Variants in GPC5 observed in about 807,000 individuals in gnomAD.
GPC5 encodes glypican-5.
GPC5 carries 47 observed loss-of-function variants against 53.9 expected under a neutral mutation model. That is an observed-to-expected ratio of 0.87 (90% confidence interval 0.69 to 1.11). The LOEUF (loss-of-function observed/expected upper bound fraction) is 1.11, where lower values mean the gene tolerates loss of function less well. GPC5 is among the 50% of genes most tolerant of loss of function. The probability of loss-of-function intolerance (pLI) is 0.00; values close to 1 mark genes in which losing one functional copy is unlikely to be tolerated. For missense variants in GPC5, 748 were observed against 713.1 expected (o/e 1.05, Z -0.56); for synonymous variants, 286 against 263.3 (o/e 1.09, Z -0.84).
chr13:91,936,555 A>C (rs981115939), intron 6 of GPC5, among the ~76,000 whole-genome samples: 2 of 152,038 alleles, frequency 1.3e-5, no homozygotes, highest in Non-Finnish European at 2.9e-5. Flanking sequence ...GGTTTTTTAT[A>C]ATTTTTCTTT....
intron 5 of GPC5, among the ~76,000 whole-genome samples, chr13:91,794,058 G>C (rs2038010910): frequency 6.6e-6 from 1 of 152,142 alleles, no homozygotes; most frequent in African/African-American, 2.4e-5. Flanking sequence ...TTGTATTCCA[G>C]TGTCGAGTCA....
At chr13:91,830,554 T>C (rs2038639108) in intron 5 of GPC5, among the ~76,000 whole-genome samples, 1 of 151,678 alleles carries the variant, frequency 6.6e-6, no homozygotes, top group African/African-American at 2.4e-5. Flanking sequence ...TGTTCAGAGA[T>C]TGCAGTAAAG....
At chr13:92,093,223 A>G (rs180972840) in intron 6 of GPC5, among the ~76,000 whole-genome samples, 9 of 152,194 alleles carry the variant, frequency 5.9e-5, no homozygotes. Flanking sequence ...TTCTTTGTTG[A>G]ATTAGTATTT....
At chr13:92,022,245 C>A (rs2040765296) in intron 6 of GPC5, among the ~76,000 whole-genome samples, 1 of 152,036 alleles carries the variant, frequency 6.6e-6, no homozygotes, top group Admixed American at 6.5e-5. Context: ...AAGTGATACA[C>A]CCGCCTTGGC....
At position 92,298,604 on chromosome 13, in the gene GPC5, G is replaced by A. The variant is rs112879390; in HGVS notation, c.1561+153615G>A. On this transcript the variant is annotated intron_variant, in intron 7 of 7. Coordinates refer to ENST00000377067, the MANE Select transcript of GPC5 (RefSeq NM_004466.6). ...AATCTGGGCCTTCAGTTTTCCCCCT[G>A]GGGGTGTGTGTTCAGGAGAGGACAA... Among the ~76,000 whole-genome samples, 347 of 152,302 alleles carry A rather than the reference G, an allele frequency of 2.3e-3. 3 individuals are homozygous for A. Among genetic ancestry groups the A allele is most frequent in the African/African-American group, 7.3e-3 (303 of 41,560 alleles).
At chr13:91,503,502 C>A (rs866137241) in intron 2 of GPC5, among the ~76,000 whole-genome samples, 3 of 151,864 alleles carry the variant, frequency 2.0e-5, no homozygotes, top group Non-Finnish European at 4.4e-5. Context: ...TTAGGCTGGG[C>A]CGGGTGCAGT....
intron 5 of GPC5, among the ~76,000 whole-genome samples, chr13:91,901,704 A>G (rs2039499056): frequency 1.3e-5 from 2 of 152,078 alleles, no homozygotes; most frequent in Non-Finnish European, 2.9e-5. Flanking sequence ...GTTCACCTTC[A>G]CTGATGAATA....
rs576389036 is a variant in GPC5 at position 92,466,062 on chromosome 13, CA to C, written c.1561+321074del. On this transcript the variant is annotated intron_variant, in intron 7 of 7. Coordinates refer to ENST00000377067, the MANE Select transcript of GPC5 (RefSeq NM_004466.6). ...AAGAGGACACTTTAAATGTTCTCACCACAAAGGAATGATACAAATGTGAGGT... is the reference window on the plus strand; with the variant it reads ...AAGAGGACACTTTAAATGTTCTCACCCAAAGGAATGATACAAATGTGAGGT... Among the ~76,000 whole-genome samples, 602 of 151,924 alleles carry C rather than the reference CA, an allele frequency of 4.0e-3. 1 individual carries two copies. The highest frequency in any genetic ancestry group is 5.4e-3 in the Non-Finnish European group (365 of 67,878).
At chr13:91,666,476 TC>T (rs1323964365) in intron 2 of GPC5, among the ~76,000 whole-genome samples, 2 of 152,198 alleles carry the variant, frequency 1.3e-5, no homozygotes, top group Non-Finnish European at 2.9e-5. Context: ...TTAGCATTTG[TC>T]TTTTGAGGGA....
chr13:92,492,821 A>G lies in GPC5; in HGVS notation c.1561+347832A>G, dbSNP rs147750324. 4.6e-3 allele frequency among the ~76,000 whole-genome samples: 707 copies of G among 152,250 alleles called. 7 individuals carry two copies. Among genetic ancestry groups the G allele is most frequent in the African/African-American group, 0.016 (669 of 41,554 alleles). ...TTTTTTATAAATGCAATGCCTAGTAATCTCCAACTGTTGTCCAGTCAGTTA... is the reference window on the plus strand; with the variant it reads ...TTTTTTATAAATGCAATGCCTAGTAGTCTCCAACTGTTGTCCAGTCAGTTA... On this transcript the variant is annotated intron_variant, in intron 7 of 7. Coordinates refer to ENST00000377067, the MANE Select transcript of GPC5 (RefSeq NM_004466.6).
At chr13:91,992,529 C>T (rs2040466524) in intron 6 of GPC5, among the ~76,000 whole-genome samples, 1 of 150,342 alleles carries the variant, frequency 6.7e-6, no homozygotes, top group African/African-American at 2.5e-5. Context: ...GCGATCTTGG[C>T]TCACTGCAAC....
At chr13:92,522,060 A>G (rs972856297) in intron 7 of GPC5, among the ~76,000 whole-genome samples, 11 of 152,222 alleles carry the variant, frequency 7.2e-5, no homozygotes, top group African/African-American at 2.7e-4. Flanking sequence ...AATCAAAACT[A>G]CAATGAGATA....
intron 2 of GPC5, among the ~76,000 whole-genome samples, chr13:91,525,791 A>C (rs1347344037): frequency 6.6e-6 from 1 of 152,192 alleles, no homozygotes; most frequent in African/African-American, 2.4e-5. Flanking sequence ...ATAATGTCGC[A>C]CTTAGCAGTT....
chr13:91,523,539 G>A (rs9589275), intron 2 of GPC5, among the ~76,000 whole-genome samples: 1 of 152,152 alleles, frequency 6.6e-6, no homozygotes, highest in African/African-American at 2.4e-5. Context: ...CACAAAAGCA[G>A]AGAATATAAT....
At chr13:92,690,567 C>T (rs956330676) in intron 7 of GPC5, among the ~76,000 whole-genome samples, 16 of 142,246 alleles carry the variant, frequency 1.1e-4, no homozygotes, top group South Asian at 2.4e-4. Flanking sequence ...TCTCTCAGCT[C>T]GTCAAAATAA....
At chr13:91,474,412 C>A (rs1329342809) in intron 2 of GPC5, among the ~76,000 whole-genome samples, 1 of 152,038 alleles carries the variant, frequency 6.6e-6, no homozygotes, top group Non-Finnish European at 1.5e-5. Flanking sequence ...AATTTTCCTA[C>A]CATTTTTCTT....
intron 7 of GPC5, among the ~76,000 whole-genome samples, chr13:92,550,518 T>G (rs1322303206): frequency 6.6e-6 from 1 of 151,898 alleles, no homozygotes; most frequent in East Asian, 1.9e-4. Context: ...GTCTTGATTT[T>G]CAATCAGGAT....
At chr13:91,672,392 G>A (rs1055578559) in intron 2 of GPC5, among the ~76,000 whole-genome samples, 4 of 152,086 alleles carry the variant, frequency 2.6e-5, no homozygotes, top group African/African-American at 7.2e-5. Context: ...AATGTTACAA[G>A]AAGAAAGCAA....
At chr13:92,436,796 A>T (rs563759286) in intron 7 of GPC5, among the ~76,000 whole-genome samples, 24 of 152,260 alleles carry the variant, frequency 1.6e-4, no homozygotes, top group African/African-American at 5.3e-4. Flanking sequence ...TCAATAGGTG[A>T]TGATCATTGT....
Sources: gnomAD v4.1 joint callset for allele counts (sites outside exome capture counted in the v4.1 genomes callset) on GRCh38, gnomAD v4.1.1 for gene constraint, MANE v1.5 for transcripts, NCBI Gene and HGNC (gene_info 2026-07-23, HGNC 2026-07-21) for gene names.